SAP30BP: variants seen among roughly 807,000 people sequenced by gnomAD.
SAP30BP encodes SAP30-binding protein.
Under a neutral mutation model 46.3 loss-of-function variants are expected in SAP30BP, and 31 were observed. That is an observed-to-expected ratio of 0.67 (90% CI 0.50 to 0.90). The LOEUF is 0.90. SAP30BP is among the 40% of genes least tolerant of loss of function. The pLI, the probability that SAP30BP is intolerant of heterozygous loss-of-function variation, is 0.00. For synonymous variants in SAP30BP, 169 were observed against 144.2 expected (o/e 1.17, Z -1.23); for missense variants, 312 against 391.0 (o/e 0.80, Z 1.70).
chr17:75,706,426 C>T lies in SAP30BP; in HGVS notation c.832C>T (p.Leu278=). 1 of 1,614,130 alleles carries T rather than the reference C, an allele frequency of 6.2e-7. No homozygotes were observed. Among genetic ancestry groups the T allele is most frequent in the Non-Finnish European group, 8.5e-7 (1 of 1,179,986 alleles). ...CACCATCCTCACCACCACAGCCACCCTGCCAGCTGTTGTCACGGTCACCAC... is the reference window on the plus strand; with the variant it reads ...CACCATCCTCACCACCACAGCCACCTTGCCAGCTGTTGTCACGGTCACCAC... ...QPTILTTTAT[L]PAVVTVTTSA... is the part of the protein sequence containing the mutation. The change falls in exon 11 of 11, where the codon CTG becomes TTG. Residue 278 remains leucine, a synonymous_variant. Transcript: ENST00000584667. This position sits in a 1 kb window ranked among gnomAD's most constrained non-coding sequence, Gnocchi z 4.6.
chr17:75,692,221 T>C (rs984463785), intron 3 of SAP30BP: 8 of 985,516 alleles, frequency 8.1e-6, no homozygotes, highest in African/African-American at 1.7e-5. Flanking sequence ...TAAGACTGAG[T>C]CTAGGTTCAG....
chr17:75,693,534 C>T lies in SAP30BP; in HGVS notation c.307+52C>T, dbSNP rs745353726. 2.8e-5 allele frequency: 44 copies of T among 1,576,280 alleles called. No homozygotes were observed. In the Admixed American group the frequency reaches 5.4e-4, roughly 20 times the overall value. On this transcript the variant is annotated intron_variant, in intron 4 of 10. Coordinates refer to ENST00000584667, the MANE Select transcript of SAP30BP (RefSeq NM_013260.8). ...CGTTTCTCAGCCTTGCTCCTAGCAG[C>T]CTGGCTTCCAGCCATGCCAGGCCTG...
intron 5 of SAP30BP, among the ~76,000 whole-genome samples, chr17:75,701,534 G>A (rs1336245287): frequency 6.6e-6 from 1 of 152,184 alleles, no homozygotes; most frequent in Non-Finnish European, 1.5e-5. Flanking sequence ...CGAAAGCCAG[G>A]GCAGTGACCT....
intron 8 of SAP30BP, among the ~76,000 whole-genome samples, chr17:75,704,178 A>G (rs747135380): frequency 4.4e-4 from 67 of 152,224 alleles, no homozygotes; most frequent in Non-Finnish European, 7.2e-4. Flanking sequence ...CCTCACTGAC[A>G]AAACTGTGTT....
chr17:75,706,064 C>T lies in SAP30BP; in HGVS notation c.717C>T (p.Thr239=), dbSNP rs758665975. The T allele has an allele frequency of 1.2e-6, 2 of 1,613,380 alleles. No homozygotes were observed. Among genetic ancestry groups the T allele is most frequent in the African/African-American group, 2.7e-5 (2 of 74,940 alleles). Residue 239 remains threonine, a synonymous_variant, in exon 10 of 11, where the codon ACC becomes ACT. Coordinates refer to ENST00000584667, the MANE Select transcript of SAP30BP (RefSeq NM_013260.8). This position sits in a 1 kb window ranked among gnomAD's most constrained non-coding sequence, Gnocchi z 4.6. ...KGTTTNATST[T]TTTASTAVAD... ...CCACGACCAACGCCACGTCCACCAC[C>T]ACTACCACTGCCAGCACAGCTGTTG...
At position 75,705,702 on chromosome 17, in the gene SAP30BP, G is replaced by A. The variant is rs978761233; in HGVS notation, c.661-306G>A. The A allele has an allele frequency of 8.6e-6, 10 of 1,166,380 alleles. No homozygotes were observed. In the African/African-American group the frequency reaches 1.6e-4, roughly 18 times the overall value. The allele number at this position is 1,166,380 out of a possible 1,614,324, so 72.3% of individuals were successfully genotyped here. Reference sequence around the variant, plus strand: ...ACCGCCTCCTCCTGGGTGTGAGGAGGAGGGGCCTGGCCAAACGGTTCTGGG... The same window carrying A: ...ACCGCCTCCTCCTGGGTGTGAGGAGAAGGGGCCTGGCCAAACGGTTCTGGG... On this transcript the variant is annotated intron_variant, in intron 9 of 10. Coordinates refer to ENST00000584667, the MANE Select transcript of SAP30BP (RefSeq NM_013260.8).
In SAP30BP at chr17:75,706,418, C is replaced by T; in HGVS notation, c.824C>T (p.Thr275Ile). Residue 275 changes from threonine (T) to isoleucine (I), a missense_variant, in exon 11 of 11, where the codon ACA becomes ATA. Transcript: ENST00000584667. This position sits in a 1 kb window ranked among gnomAD's most constrained non-coding sequence, Gnocchi z 4.6. ...GCCCAGCCCACCATCCTCACCACCACAGCCACCCTGCCAGCTGTTGTCACG... is the reference window on the plus strand; with the variant it reads ...GCCCAGCCCACCATCCTCACCACCATAGCCACCCTGCCAGCTGTTGTCACG... ...TIAQPTILTTTATLPAVVTVT... is the reference protein window; with the variant it reads ...TIAQPTILTTIATLPAVVTVT... The T allele has an allele frequency of 6.2e-7, 1 of 1,614,202 alleles. No homozygotes were observed. Among genetic ancestry groups the T allele is most frequent in the Non-Finnish European group, 8.5e-7 (1 of 1,180,036 alleles).
At chr17:75,693,786 G>T (rs1177037788) in intron 4 of SAP30BP, among the ~76,000 whole-genome samples, 1 of 152,158 alleles carries the variant, frequency 6.6e-6, no homozygotes, top group Non-Finnish European at 1.5e-5. Flanking sequence ...TTCCCCTAGT[G>T]CCCTGGGCTT....
In SAP30BP at chr17:75,704,819, G is replaced by GT; in HGVS notation, c.660+6dup. 1 of 1,611,358 alleles carries GT rather than the reference G, an allele frequency of 6.2e-7. No individual in the cohort carries two copies. The highest frequency in any genetic ancestry group is 8.5e-7 in the Non-Finnish European group (1 of 1,177,712). On this transcript the variant is annotated splice_donor_region_variant and intron_variant, in intron 9 of 10. Transcript: ENST00000584667. Reference sequence around the variant, plus strand: ...GCCAAAAAGGAGCGAACAAAAGTAAGTGATGGCAGACCTCCTAGATGAAAA... The same window carrying GT: ...GCCAAAAAGGAGCGAACAAAAGTAAGTTGATGGCAGACCTCCTAGATGAAAA...
intron 3 of SAP30BP, among the ~76,000 whole-genome samples, chr17:75,687,917 G>GGGGTGTGT (rs557349211): frequency 2.2e-4 from 26 of 120,362 alleles, no homozygotes; most frequent in East Asian, 5.3e-4. Flanking sequence ...CAGTGTTTGG[G>GGGGTGTGT]GTGTGTGTGT....
Position 75,704,741 on chromosome 17 carries a change from CTCTTG to C in SAP30BP, c.602-10_602-6del. The C allele has an allele frequency of 1.2e-6, 2 of 1,611,488 alleles. No homozygotes were observed. The highest frequency in any genetic ancestry group is 1.1e-5 in the South Asian group (1 of 91,040). On this transcript the variant is annotated splice_polypyrimidine_tract_variant and intron_variant, in intron 8 of 10. Coordinates refer to ENST00000584667, the MANE Select transcript of SAP30BP (RefSeq NM_013260.8). ...TCGGGGGCCACCTTTGTAACAGCTT[CTCTTG>C]TCTTCATAGCCAAGGCCCAGAAAAT...
intron 3 of SAP30BP, among the ~76,000 whole-genome samples, chr17:75,681,839 G>T (rs2060080370): frequency 6.6e-6 from 1 of 152,156 alleles, no homozygotes; most frequent in Non-Finnish European, 1.5e-5. Context: ...GCAAAGGGTT[G>T]CATTCCTCCT....
Position 75,671,849 on chromosome 17 carries a change from G to A in SAP30BP, c.250G>A (p.Ala84Thr). ...CGATTCAGAGACTGAAAAACCTGAGGCTGATGACCCAAAGGTATTTGGTGT... is the reference window on the plus strand; with the variant it reads ...CGATTCAGAGACTGAAAAACCTGAGACTGATGACCCAAAGGTATTTGGTGT... The part of the protein sequence containing the change: ...DDDSETEKPE[A>T]DDPKDNTEAE... Residue 84 changes from alanine to threonine, a missense_variant, in exon 3 of 11, where the codon GCT (alanine) becomes ACT (threonine). Coordinates refer to ENST00000584667, the MANE Select transcript of SAP30BP (RefSeq NM_013260.8). 1 of 1,613,686 alleles carries A rather than the reference G, an allele frequency of 6.2e-7. No individual in the cohort carries two copies. Among genetic ancestry groups the A allele is most frequent in the Non-Finnish European group, 8.5e-7 (1 of 1,179,636 alleles).
intron 3 of SAP30BP, among the ~76,000 whole-genome samples, chr17:75,687,914 TGG>T (rs199659385): frequency 2.5e-5 from 3 of 121,840 alleles, no homozygotes; most frequent in Non-Finnish European, 5.2e-5. Context: ...TGACAGTGTT[TGG>T]GGTGTGTGTG....
chr17:75,699,828 A>G lies in SAP30BP; in HGVS notation c.353A>G (p.Lys118Arg), dbSNP rs1438921536. 1.2e-6 allele frequency: 2 copies of G among 1,613,664 alleles called. No individual in the cohort carries two copies. Among genetic ancestry groups the G allele is most frequent in the Non-Finnish European group, 1.7e-6 (2 of 1,179,606 alleles). Residue 118 changes from lysine (K) to arginine (R), a missense_variant, in exon 5 of 11, where the codon AAG becomes AGG. Physicochemically the swap from Lys to Arg is conservative, Grantham distance 26 (BLOSUM62 2). This residue lies in a region of SAP30BP where 296 missense variants were observed against 346.6 expected (regional missense o/e 0.85). Transcript: ENST00000584667. ...CGGAACATGTCGCCTGATGAAATCA[A>G]GATCCCGCCAGAACCCCCTGGCAGA... ...RVRNMSPDEI[K>R]IPPEPPGRCS... is the part of the protein sequence containing the mutation.
At chr17:75,675,465 A>G (rs989261550) in intron 3 of SAP30BP, among the ~76,000 whole-genome samples, 4 of 152,032 alleles carry the variant, frequency 2.6e-5, no homozygotes, top group African/African-American at 7.2e-5. Context: ...ATGGTTTTTT[A>G]AGATCTTTTA....
At chr17:75,701,837 A>G (rs1018965181) in intron 5 of SAP30BP, among the ~76,000 whole-genome samples, 3 of 152,126 alleles carry the variant, frequency 2.0e-5, no homozygotes, top group African/African-American at 7.2e-5. Flanking sequence ...TCTGGAACTG[A>G]TTAACCAGTT....
At chr17:75,693,396 A>C (rs1306533629) in intron 3 of SAP30BP, 44 bp from the exon 4 acceptor site, 1 of 1,566,366 alleles carries the variant, frequency 6.4e-7, no homozygotes, top group South Asian at 1.1e-5. Context: ...TAGCTGGTTC[A>C]GGAGCCCCAG....
At chr17:75,688,028 T>C (rs1442928637) in intron 3 of SAP30BP, among the ~76,000 whole-genome samples, 1 of 152,152 alleles carries the variant, frequency 6.6e-6, no homozygotes, top group Non-Finnish European at 1.5e-5. Flanking sequence ...TGGTGATTTT[T>C]GTGAGTACAC....
Sources: gnomAD v4.1 joint callset for allele counts (sites outside exome capture counted in the v4.1 genomes callset) on GRCh38, gnomAD v4.1.1 for gene constraint, gnomAD v4.1.1 regional missense constraint, Gnocchi (gnomAD v3.1) non-coding constraint, MANE v1.5 for transcripts, NCBI Gene and HGNC (gene_info 2026-07-23, HGNC 2026-07-21) for gene names.